Variants in XIRP2 observed in about 807,000 individuals in gnomAD.
XIRP2 encodes xin actin binding repeat containing 2.
Under a neutral mutation model 277.0 loss-of-function variants are expected in XIRP2, and 236 were observed. The observed-to-expected ratio is 0.85, with a 90% confidence interval of 0.77 to 0.95. The LOEUF is 0.95. XIRP2 is among the 40% of genes least tolerant of loss of function. XIRP2 has a pLI of 0.00. For missense variants in XIRP2, 4,640 were observed against 4,157.5 expected, an observed-to-expected ratio of 1.12 and a Z score of -3.19; for synonymous variants, 1,490 against 1,416.5, an observed-to-expected ratio of 1.05 and a Z score of -1.17.
At position 167,249,542 on chromosome 2, in the gene XIRP2, C is replaced by G. The variant is rs781221557; in HGVS notation, c.8150C>G (p.Thr2717Ser). 1 of 1,613,610 alleles carries G rather than the reference C, an allele frequency of 6.2e-7. No homozygotes were observed. The highest frequency in any genetic ancestry group is 8.5e-7 in the Non-Finnish European group (1 of 1,179,738). ...NFKVKTIKLPTLDHTLNETDH... is the reference protein window; with the variant it reads ...NFKVKTIKLPSLDHTLNETDH... ...AAAGTTAAAACCATCAAACTTCCAA[C>G]TCTAGATCATACATTAAATGAAACA... Residue 2717 changes from threonine to serine, a missense_variant, in exon 9 of 11, where the codon ACT (threonine) becomes AGT (serine). Physicochemically the swap from Thr to Ser is moderately conservative, Grantham distance 58 (BLOSUM62 1). Coordinates refer to ENST00000409195, the MANE Select transcript of XIRP2 (RefSeq NM_152381.6).
intron 2 of XIRP2, among the ~76,000 whole-genome samples, chr2:167,098,149 A>T (rs1399500597): frequency 2.6e-5 from 4 of 152,176 alleles, no homozygotes; most frequent in African/African-American, 9.6e-5. Flanking sequence ...GTGTTTTCCA[A>T]CTGGTTCCAT....
chr2:167,067,627 G>A (rs1689330091), intron 2 of XIRP2, among the ~76,000 whole-genome samples: 1 of 151,434 alleles, frequency 6.6e-6, no homozygotes, highest in South Asian at 2.1e-4. Flanking sequence ...CTTAATTTAA[G>A]AGTATCTATT....
chr2:167,025,391 T>C (rs1688123611), intron 2 of XIRP2, among the ~76,000 whole-genome samples: 1 of 152,142 alleles, frequency 6.6e-6, no homozygotes, highest in Non-Finnish European at 1.5e-5. Context: ...TTTGTTGATC[T>C]TTTCAAAAAA....
In XIRP2 at chr2:167,245,183, TGACA is replaced by T. The variant is rs1270872649; in HGVS notation, c.3796_3799del (p.Asp1266TyrfsTer6). ...GAAGGTGATGAATGTGTTAAGACGG[TGACA>T]GACATACAAGGTGGGGATGTAAGAA... On this transcript the variant is annotated frameshift_variant, in exon 9 of 11. Transcript: ENST00000409195. LOFTEE classifies it high-confidence loss of function. The T allele has an allele frequency of 3.1e-6, 5 of 1,613,312 alleles. No individual in the cohort carries two copies. In the Admixed American group the frequency reaches 5.0e-5, roughly 16 times the overall value.
At position 167,247,767 on chromosome 2, in the gene XIRP2, G is replaced by A. The variant is rs1310697028; in HGVS notation, c.6375G>A (p.Gln2125=). ...CTGGTAAAACCGTTGGAAAGCAACA[G>A]ACATATGAACTGAGAAATGACCACC... ...QSAGKTVGKQ[Q]TYELRNDHQK... Residue 2125 remains glutamine (Q), a synonymous_variant, in exon 9 of 11, where the codon CAG becomes CAA. Transcript: ENST00000409195. 1 of 1,613,544 alleles carries A rather than the reference G, an allele frequency of 6.2e-7. No homozygotes were observed. Among genetic ancestry groups the A allele is most frequent in the South Asian group, 1.1e-5 (1 of 91,044 alleles).
At position 167,030,081 on chromosome 2, in the gene XIRP2, A is replaced by T. The variant is rs573112806; in HGVS notation, c.409-105828A>T. Among the ~76,000 whole-genome samples the T allele has an allele frequency of 4.0e-5, 6 of 151,816 alleles. No homozygotes were observed. In the South Asian group the frequency reaches 1.0e-3, roughly 26 times the overall value. ...GATCTCCGCTTTATCATTTTTTATT[A>T]TGTCTATTTGATTCTTCCCTCTTTT... On this transcript the variant is annotated intron_variant, in intron 2 of 10. Coordinates refer to ENST00000409195, the MANE Select transcript of XIRP2 (RefSeq NM_152381.6).
chr2:167,134,638 T>C (rs904626034), intron 2 of XIRP2, among the ~76,000 whole-genome samples: 1 of 152,136 alleles, frequency 6.6e-6, no homozygotes, highest in African/African-American at 2.4e-5. Flanking sequence ...TAAAACCACA[T>C]ATAGTACCGA....
rs143733685 is a variant in XIRP2 at position 166,942,586 on chromosome 2, C to T, written c.408+38696C>T. On this transcript the variant is annotated intron_variant, in intron 2 of 10. Transcript: ENST00000409195. Reference sequence around the variant, plus strand: ...CATAAAAAATATTGTGCAATCAAACCACAGCATCAAATTTTATGTATCATT... The same window carrying T: ...CATAAAAAATATTGTGCAATCAAACTACAGCATCAAATTTTATGTATCATT... 4.8e-3 allele frequency among the ~76,000 whole-genome samples: 726 copies of T among 152,264 alleles called. 4 individuals carry two copies. The highest frequency in any genetic ancestry group is 0.016 in the African/African-American group (678 of 41,548).
At chr2:167,175,297 A>G (rs1371552773) in intron 3 of XIRP2, among the ~76,000 whole-genome samples, 1 of 152,082 alleles carries the variant, frequency 6.6e-6, no homozygotes, top group Non-Finnish European at 1.5e-5. Context: ...CTTCTTGTTG[A>G]ATTGATCCCT....
At chr2:166,996,008 A>G (rs916276099) in intron 2 of XIRP2, among the ~76,000 whole-genome samples, 5 of 152,084 alleles carry the variant, frequency 3.3e-5, no homozygotes, top group Non-Finnish European at 5.9e-5. Flanking sequence ...CTGCCCCTCC[A>G]TTTATATGAG....
chr2:167,168,893 A>C (rs908294437), intron 3 of XIRP2, among the ~76,000 whole-genome samples: 1 of 151,934 alleles, frequency 6.6e-6, no homozygotes, highest in African/African-American at 2.4e-5. Context: ...TACCTATCTG[A>C]TCTTGCATGC....
chr2:167,077,682 C>T (rs1283934136), intron 2 of XIRP2, among the ~76,000 whole-genome samples: 1 of 152,082 alleles, frequency 6.6e-6, no homozygotes, highest in Non-Finnish European at 1.5e-5. Flanking sequence ...TTCTACCATA[C>T]AGAACAGCAA....
chr2:167,062,048 C>T (rs1232075695), intron 2 of XIRP2, among the ~76,000 whole-genome samples: 1 of 152,148 alleles, frequency 6.6e-6, no homozygotes, highest in African/African-American at 2.4e-5. Context: ...GATCGCTTGG[C>T]CATCCTGGCA....
Position 167,248,524 on chromosome 2 carries a change from C to T in XIRP2, c.7132C>T (p.His2378Tyr), listed in dbSNP as rs75457527. The T allele has an allele frequency of 6.2e-7, 1 of 1,613,588 alleles. No homozygotes were observed. The highest frequency in any genetic ancestry group is 8.5e-7 in the Non-Finnish European group (1 of 1,179,820). The change falls in exon 9 of 11, where the codon CAT (histidine) becomes TAT (tyrosine). Residue 2378 changes from histidine (H) to tyrosine (Y), a missense_variant. By Grantham distance (83) the His-to-Tyr change is moderately conservative. Transcript: ENST00000409195. ...TCCAACTCCATCTCAAAAGCCAGCA[C>T]ATCTCCTTTCCTCCTCTGCTCCGGA... is the stretch of plus-strand genomic sequence containing the variant. ...PPPTPSQKPAHLLSSSAPEKH... is the reference protein window; with the variant it reads ...PPPTPSQKPAYLLSSSAPEKH...
chr2:166,942,633 A>G (rs898243845), intron 2 of XIRP2, among the ~76,000 whole-genome samples: 4 of 152,238 alleles, frequency 2.6e-5, no homozygotes, highest in Non-Finnish European at 4.4e-5. Context: ...GTTATTATCC[A>G]TATTTCATAA....
In XIRP2 at chr2:167,244,545, T is replaced by A. The variant is rs765036627; in HGVS notation, c.3153T>A (p.Asn1051Lys). The change falls in exon 9 of 11, where the codon AAT (asparagine) becomes AAA (lysine). Residue 1051 changes from asparagine (N) to lysine (K), a missense_variant. Coordinates refer to ENST00000409195, the MANE Select transcript of XIRP2 (RefSeq NM_152381.6). ...GISAQEIQTG[N>K]VKSAKWLFET... ...CTGCTCAAGAAATACAGACTGGAAA[T>A]GTGAAATCTGCCAAATGGTTGTTTG... The A allele has an allele frequency of 7.4e-6, 12 of 1,613,074 alleles. No individual in the cohort carries two copies. Among genetic ancestry groups the A allele is most frequent in the East Asian group, 2.2e-5 (1 of 44,808 alleles).
rs77266504 is a variant in XIRP2, at chr2:167,043,871, T to C, written c.409-92038T>C. Reference sequence around the variant, plus strand: ...TCAGTATTATGATACTGAATATTATTCCAAATGTCATCATCATTGTAGAGT... The same window carrying C: ...TCAGTATTATGATACTGAATATTATCCCAAATGTCATCATCATTGTAGAGT... On this transcript the variant is annotated intron_variant, in intron 2 of 10. Transcript: ENST00000409195. 4.0e-3 allele frequency among the ~76,000 whole-genome samples: 602 copies of C among 152,120 alleles called. 32 individuals carry two copies. In the East Asian group the frequency reaches 0.095, roughly 24 times the overall value.
At chr2:167,068,246 C>T (rs1200914990) in intron 2 of XIRP2, among the ~76,000 whole-genome samples, 1 of 151,824 alleles carries the variant, frequency 6.6e-6, no homozygotes, top group Non-Finnish European at 1.5e-5. Flanking sequence ...CTGTGGAAAA[C>T]AAACAAAAAA....
In XIRP2 at chr2:167,249,156, A is replaced by G; in HGVS notation, c.7764A>G (p.Pro2588=). Residue 2588 remains proline, a synonymous_variant, in exon 9 of 11, where the codon CCA becomes CCG. Coordinates refer to ENST00000409195, the MANE Select transcript of XIRP2 (RefSeq NM_152381.6). ...QHITEVEKEM[P]LQKTNEEVSL... is the part of the protein sequence containing the mutation. Reference sequence around the variant, plus strand: ...TAACAGAGGTGGAAAAGGAAATGCCATTACAAAAAACCAATGAGGAGGTTT... The same window carrying G: ...TAACAGAGGTGGAAAAGGAAATGCCGTTACAAAAAACCAATGAGGAGGTTT... The G allele has an allele frequency of 6.2e-7, 1 of 1,613,812 alleles. No homozygotes were observed. The highest frequency in any genetic ancestry group is 8.5e-7 in the Non-Finnish European group (1 of 1,179,830).
Sources: gnomAD v4.1 joint callset for allele counts (sites outside exome capture counted in the v4.1 genomes callset) on GRCh38, gnomAD v4.1.1 for gene constraint, MANE v1.5 for transcripts, NCBI Gene and HGNC (gene_info 2026-07-23, HGNC 2026-07-21) for gene names.